ASTN1: variants seen among roughly 807,000 people sequenced by gnomAD.
The protein encoded by ASTN1 is astrotactin 1, also known as astrotactin-1.
In ASTN1, 41 loss-of-function variants were observed where a neutral mutation model predicts 140.7. The ratio of observed to expected loss-of-function variants is 0.29; its 90% CI spans 0.23 to 0.38. The LOEUF (loss-of-function observed/expected upper bound fraction) is 0.38, where lower values mean the gene tolerates loss of function less well. ASTN1 is among the 10% of genes least tolerant of loss of function. The pLI is 1.00. For missense variants in ASTN1, 1,479 were observed against 1,678.8 expected (o/e 0.88, Z 2.08); for synonymous variants, 640 against 652.2 (o/e 0.98, Z 0.29).
intron 16 of ASTN1, among the ~76,000 whole-genome samples, chr1:176,916,763 G>A (rs1279750011): frequency 6.6e-6 from 1 of 152,110 alleles, no homozygotes; most frequent in Non-Finnish European, 1.5e-5. Flanking sequence ...CCTCCACGCT[G>A]TCATTACATG....
intron 1 of ASTN1, among the ~76,000 whole-genome samples, chr1:177,111,523 T>C (rs1680822504): frequency 6.6e-6 from 1 of 152,164 alleles, no homozygotes; most frequent in African/African-American, 2.4e-5. Context: ...AATCACTTAT[T>C]TACTTACAAA....
chr1:176,982,520 A>G (rs566024407), intron 8 of ASTN1, among the ~76,000 whole-genome samples: 2 of 152,206 alleles, frequency 1.3e-5, no homozygotes, highest in East Asian at 3.9e-4. Flanking sequence ...CATTTATGAC[A>G]GGTTCTCGGG....
Position 177,124,587 on chromosome 1 carries a change from G to T in ASTN1, c.283+39807C>A, listed in dbSNP as rs114607003. On this transcript the variant is annotated intron_variant, in intron 1 of 22. Transcript: ENST00000361833. ...TGGATTTCTATGTCTGATGTATATCGCCTGAAGCATTTTGCTAACAGCTAC... is the reference window on the plus strand; with the variant it reads ...TGGATTTCTATGTCTGATGTATATCTCCTGAAGCATTTTGCTAACAGCTAC... Among the ~76,000 whole-genome samples the T allele has an allele frequency of 2.0e-5, 3 of 152,108 alleles. 1 individual carries two copies. The highest frequency in any genetic ancestry group is 4.4e-5 in the Non-Finnish European group (3 of 68,022).
chr1:177,041,775 G>T (rs147526012), intron 2 of ASTN1, among the ~76,000 whole-genome samples: 3 of 152,320 alleles, frequency 2.0e-5, no homozygotes, highest in Non-Finnish European at 4.4e-5. Context: ...GTTTTTCTCT[G>T]ATCATAAAGG....
At chr1:177,081,630 TAC>T (rs1679183555) in intron 1 of ASTN1, among the ~76,000 whole-genome samples, 1 of 152,094 alleles carries the variant, frequency 6.6e-6, no homozygotes, top group South Asian at 2.1e-4. Context: ...TTGGCTAAGT[TAC>T]AGAGTCATGC....
At chr1:176,996,641 T>C (rs1352569027) in intron 8 of ASTN1, among the ~76,000 whole-genome samples, 1 of 152,194 alleles carries the variant, frequency 6.6e-6, no homozygotes, top group Non-Finnish European at 1.5e-5. Context: ...GCAGACTTAA[T>C]ACACGTGTAG....
intron 17 of ASTN1, among the ~76,000 whole-genome samples, chr1:176,888,494 A>T (rs1385614858): frequency 6.6e-6 from 1 of 152,100 alleles, no homozygotes; most frequent in Non-Finnish European, 1.5e-5. Context: ...TCTGTCTCAT[A>T]TACCACTCCA....
chr1:176,941,719 T>C (rs1160714431), intron 14 of ASTN1, among the ~76,000 whole-genome samples: 1 of 152,154 alleles, frequency 6.6e-6, no homozygotes, highest in Non-Finnish European at 1.5e-5. Context: ...TGAAGTAAAA[T>C]CTCTTCTCTC....
chr1:177,029,490 C>A (rs745578099), intron 5 of ASTN1, 144 bp downstream of exon 5: 1 of 837,362 alleles, frequency 1.2e-6, no homozygotes, highest in South Asian at 1.4e-5. Context: ...TAGGAGGAAA[C>A]ACCAGTTGTG....
At chr1:176,952,859 C>T (rs1672249527) in intron 11 of ASTN1, among the ~76,000 whole-genome samples, 1 of 152,138 alleles carries the variant, frequency 6.6e-6, no homozygotes, top group South Asian at 2.1e-4. Flanking sequence ...AGGAGAGACC[C>T]CCAAGGTCAT....
chr1:176,996,308 CACAGAG>C (rs1674441613), intron 8 of ASTN1, among the ~76,000 whole-genome samples: 1 of 120,248 alleles, frequency 8.3e-6, no homozygotes, highest in African/African-American at 3.2e-5. Flanking sequence ...CACACACACA[CACAGAG>C]AGAGAGAGAG....
chr1:177,061,882 GT>G (rs766151815), intron 1 of ASTN1, among the ~76,000 whole-genome samples: 3 of 152,186 alleles, frequency 2.0e-5, no homozygotes, highest in Non-Finnish European at 4.4e-5. Flanking sequence ...TGTTTCTTCA[GT>G]TTTGCAGAGC....
chr1:176,859,038 T>C (rs1220126597), downstream of ASTN1, among the ~76,000 whole-genome samples: 1 of 152,224 alleles, frequency 6.6e-6, no homozygotes, highest in Non-Finnish European at 1.5e-5. Flanking sequence ...AGTTCAAGTG[T>C]TTAGCACAGT....
intron 2 of ASTN1, among the ~76,000 whole-genome samples, chr1:177,045,347 T>C (rs1041059479): frequency 6.6e-6 from 1 of 152,192 alleles, no homozygotes. Flanking sequence ...GAATGCTACA[T>C]GGCTTGATTA....
Position 176,894,561 on chromosome 1 carries a change from C to T in ASTN1, c.2940+1G>A, listed in dbSNP as rs1219368975. The T allele has an allele frequency of 6.2e-7, 1 of 1,613,728 alleles. No individual in the cohort carries two copies. Among genetic ancestry groups the T allele is most frequent in the South Asian group, 1.1e-5 (1 of 91,024 alleles). Reference sequence around the variant, plus strand: ...AGAGCCAAGAGTCCCAGGCCTCTTACCCTCTGGGTCTGGTTGTTGGTCACT... The same window carrying T: ...AGAGCCAAGAGTCCCAGGCCTCTTATCCTCTGGGTCTGGTTGTTGGTCACT... On this transcript the variant is annotated splice_donor_variant, in intron 17 of 22. Coordinates refer to ENST00000361833, the MANE Select transcript of ASTN1 (RefSeq NM_004319.3). LOFTEE classifies it high-confidence loss of function.
intron 8 of ASTN1, among the ~76,000 whole-genome samples, chr1:177,008,302 T>G (rs1391026095): frequency 6.6e-6 from 1 of 151,946 alleles, no homozygotes; most frequent in Non-Finnish European, 1.5e-5. Context: ...TTTGGTCTGT[T>G]GGACACAGAA....
chr1:176,928,293 G>A (rs1671059656), intron 16 of ASTN1, among the ~76,000 whole-genome samples: 1 of 151,966 alleles, frequency 6.6e-6, no homozygotes, highest in African/African-American at 2.4e-5. Context: ...AGGATTACTG[G>A]GAAATAAGAG....
At chr1:176,965,735 T>C (rs1011303999) in intron 8 of ASTN1, among the ~76,000 whole-genome samples, 2 of 152,174 alleles carry the variant, frequency 1.3e-5, no homozygotes, top group African/African-American at 4.8e-5. Context: ...AACAGACCAT[T>C]GTGAAGATTA....
At chr1:176,940,678 CTTTG>C (rs914929429) in intron 14 of ASTN1, among the ~76,000 whole-genome samples, 3 of 152,120 alleles carry the variant, frequency 2.0e-5, no homozygotes, top group African/African-American at 7.2e-5. Context: ...TTTGCTTGGT[CTTTG>C]TTTATTTCCA....
Sources: gnomAD v4.1 joint callset for allele counts (sites outside exome capture counted in the v4.1 genomes callset) on GRCh38, gnomAD v4.1.1 for gene constraint, MANE v1.5 for transcripts, NCBI Gene and HGNC (gene_info 2026-07-23, HGNC 2026-07-21) for gene names.